DNAH3: variants seen among roughly 807,000 people sequenced by gnomAD.
DNAH3 encodes axonemal beta dynein heavy chain 3.
In DNAH3, 332 loss-of-function variants were observed where a neutral mutation model predicts 432.5. The observed-to-expected ratio is 0.77, with a 90% CI of 0.70 to 0.84. The LOEUF (loss-of-function observed/expected upper bound fraction) is 0.84. Among genes scored for constraint, DNAH3 ranks in the 40% least tolerant of loss-of-function variants. The probability of loss-of-function intolerance (pLI) is 0.00; values close to 1 mark genes in which losing one functional copy is unlikely to be tolerated. For missense variants in DNAH3, 4,861 were observed against 5,114.0 expected (o/e 0.95, Z 1.51); for synonymous variants, 1,956 against 1,900.2 (o/e 1.03, Z -0.76).
At chr16:21,097,616 C>T (rs2091723122) in intron 17 of DNAH3, 117 bp from the exon 18 acceptor site, 2 of 1,265,024 alleles carry the variant, frequency 1.6e-6, no homozygotes, top group South Asian at 2.5e-5. Context: ...GCTTATTCAT[C>T]TGGAGAGTAA....
chr16:20,959,919 A>G (rs1418751150), intron 53 of DNAH3, among the ~76,000 whole-genome samples: 1 of 152,186 alleles, frequency 6.6e-6, no homozygotes, highest in African/African-American at 2.4e-5. Flanking sequence ...CGGGGAACTC[A>G]AAAATAAAGA....
At chr16:20,982,927 C>T (rs1244874492) in intron 48 of DNAH3, 41 bp from the exon 49 acceptor site, 2 of 1,609,168 alleles carry the variant, frequency 1.2e-6, no homozygotes, top group Non-Finnish European at 1.7e-6. Context: ...TCCTCCAAGG[C>T]AGGTGGACCC....
At chr16:21,074,118 G>A (rs140765219) in intron 21 of DNAH3, among the ~76,000 whole-genome samples, 1 of 152,102 alleles carries the variant, frequency 6.6e-6, no homozygotes, top group African/African-American at 2.4e-5. Context: ...TTCATGCTAG[G>A]TGAAGAAAGG....
intron 41 of DNAH3, among the ~76,000 whole-genome samples, chr16:21,011,099 T>C (rs888876853): frequency 2.0e-5 from 3 of 151,952 alleles, no homozygotes; most frequent in Admixed American, 6.6e-5. Context: ...ATCTAGAAAC[T>C]GAGTGGGAGC....
intron 9 of DNAH3, 83 bp downstream of exon 10, chr16:21,125,092 G>A (rs775214602): frequency 6.0e-5 from 69 of 1,154,086 alleles, no homozygotes; most frequent in Non-Finnish European, 8.2e-5. Context: ...TCACAGCTGA[G>A]GACGTACATG....
Position 21,071,582 on chromosome 16 carries a change from T to C in DNAH3, c.3085-756A>G, listed in dbSNP as rs147434685. On this transcript the variant is annotated intron_variant, in intron 21 of 61. Transcript: ENST00000261383. ...GGAATAGGACTTCTACTTTCTTCCT[T>C]GAAAATGTTATTAAAGATATTTAGG... is the stretch of plus-strand genomic sequence containing the variant. Among the ~76,000 whole-genome samples, 422 of 152,184 alleles carry C rather than the reference T, an allele frequency of 2.8e-3. 4 individuals are homozygous for C. The highest frequency in any genetic ancestry group is 0.01 in the Middle Eastern group (3 of 294).
At chr16:20,945,572 C>T (rs2084008319) in intron 57 of DNAH3, among the ~76,000 whole-genome samples, 1 of 151,616 alleles carries the variant, frequency 6.6e-6, no homozygotes, top group Non-Finnish European at 1.5e-5. Context: ...CTCACTGTAA[C>T]CTCCGCCTCC....
chr16:20,959,215 T>C, exon 54 of DNAH3: 2 of 1,614,134 alleles, frequency 1.2e-6, no homozygotes, highest in Non-Finnish European at 1.7e-6. Context: ...AACAATCACC[T>C]CCTCACAAAT....
At chr16:21,068,148 G>C (rs1257625154) in intron 23 of DNAH3, among the ~76,000 whole-genome samples, 2 of 152,130 alleles carry the variant, frequency 1.3e-5, no homozygotes, top group African/African-American at 2.4e-5. Context: ...ACTTAAGAAA[G>C]GAAAATGATT....
chr16:21,051,675 G>T lies in DNAH3; in HGVS notation c.4233C>A (p.Cys1411Ter), dbSNP rs2089960591. ...CTAGGAGCTCCAGAGTGTACCTGTA[G>T]CAGCGGTCGGTGAGGGGTGTGATCA... Residue 1411 changes from cysteine to a stop codon, truncating the protein, a stop_gained, in exon 29 of 62, where the codon TGC becomes TGA. Coordinates refer to ENST00000261383, the Ensembl canonical transcript of DNAH3. LOFTEE classifies it high-confidence loss of function. 6.2e-7 allele frequency: 1 copy of T among 1,612,850 alleles called. No individual in the cohort carries two copies. Among genetic ancestry groups the T allele is most frequent in the African/African-American group, 1.3e-5 (1 of 74,860 alleles).
At chr16:20,974,623 G>A (rs1354284260) in intron 51 of DNAH3, among the ~76,000 whole-genome samples, 13 of 105,628 alleles carry the variant, frequency 1.2e-4, no homozygotes, top group Admixed American at 1.0e-3. Context: ...ATCTTGCTAC[G>A]TTTCCCAGGC....
chr16:21,034,084 A>C (rs1390400051), exon 36 of DNAH3: 9 of 1,599,012 alleles, frequency 5.6e-6, no homozygotes, highest in Non-Finnish European at 7.7e-6. Flanking sequence ...CATTTCGTAG[A>C]TCTGGGAGGA....
chr16:21,041,231 C>T (rs374642834), intron 32 of DNAH3, among the ~76,000 whole-genome samples: 24 of 152,132 alleles, frequency 1.6e-4, no homozygotes, highest in African/African-American at 5.3e-4. Flanking sequence ...ATTAGCTGGG[C>T]ATGGTGGCGC....
At chr16:21,070,871 C>A in intron 21 of DNAH3, 45 bp from the exon 22 acceptor site, 1 of 1,214,478 alleles carries the variant, frequency 8.2e-7, no homozygotes, top group South Asian at 1.2e-5. Context: ...TGAAACCTCC[C>A]CATTTTTCTT....
intron 18 of DNAH3, among the ~76,000 whole-genome samples, chr16:21,091,769 T>G (rs2091542510): frequency 6.6e-6 from 1 of 151,480 alleles, no homozygotes; most frequent in Non-Finnish European, 1.5e-5. Flanking sequence ...TGAGCCAAGA[T>G]CACACCATTA....
intron 41 of DNAH3, among the ~76,000 whole-genome samples, chr16:21,005,531 A>G (rs2087253256): frequency 6.6e-6 from 1 of 152,094 alleles, no homozygotes; most frequent in South Asian, 2.1e-4. Context: ...GGCACACGCC[A>G]CCGCACCCAG....
rs772846638 is a variant in DNAH3 at position 20,964,472 on chromosome 16, T to C, written c.9412A>G (p.Ile3138Val). The change falls in exon 53 of 62, where the codon ATC becomes GTC. Residue 3138 changes from isoleucine to valine, a missense_variant. Physicochemically the swap from Ile to Val is conservative, Grantham distance 29. Transcript: ENST00000261383. ...GTTGCCTTGAGCAAGATAGGTTCGA[T>C]AGAAGCATCCAGCTCTTCTCCAATG... is the stretch of plus-strand genomic sequence containing the variant. 8.1e-6 allele frequency: 13 copies of C among 1,614,110 alleles called. No individual in the cohort carries two copies. Among genetic ancestry groups the C allele is most frequent in the South Asian group, 6.6e-5 (6 of 91,090 alleles).
At chr16:21,125,094 A>G (rs746545273) in intron 9 of DNAH3, 81 bp downstream of exon 10, 21 of 1,165,872 alleles carry the variant, frequency 1.8e-5, no homozygotes, top group African/African-American at 1.6e-4. Flanking sequence ...ACAGCTGAGG[A>G]CGTACATGAC....
chr16:21,023,444 A>C (rs187086950), intron 39 of DNAH3, among the ~76,000 whole-genome samples: 1 of 152,328 alleles, frequency 6.6e-6, no homozygotes, highest in Non-Finnish European at 1.5e-5. Flanking sequence ...GAAGGGTTTA[A>C]ATAGGGTAAA....
Sources: gnomAD v4.1 joint callset for allele counts (sites outside exome capture counted in the v4.1 genomes callset) on GRCh38, gnomAD v4.1.1 for gene constraint, MANE v1.5 for transcripts, NCBI Gene and HGNC (gene_info 2026-07-23, HGNC 2026-07-21) for gene names.